Variants in STK3 observed in about 807,000 individuals in gnomAD.
STK3 encodes serine/threonine-protein kinase 3.
Under a neutral mutation model 58.0 loss-of-function variants are expected in STK3, and 41 were observed. The ratio of observed to expected loss-of-function variants is 0.71; its 90% CI spans 0.55 to 0.92. The LOEUF (loss-of-function observed/expected upper bound fraction) is 0.92, where lower values mean the gene tolerates loss of function less well. STK3 is among the 40% of genes least tolerant of loss of function. STK3 has a pLI of 0.00. For synonymous variants in STK3, 170 were observed against 191.0 expected, an observed-to-expected ratio of 0.89 and a Z score of 0.91; for missense variants, 479 against 602.7, an observed-to-expected ratio of 0.79 and a Z score of 2.15.
rs769562533 is a variant in STK3, at chr8:98,428,446, A to G, written n.483+5681T>C. The stretch of plus-strand genomic sequence containing the variant: ...TTCGATGAGATCCTTGCCTTCTACA[A>G]CGACGCCTCCAAGTTCGATGGGCAG... On this transcript the variant is annotated intron_variant and non_coding_transcript_variant, in intron 3 of 3. Coordinates refer to the STK3 transcript ENST00000517832. This position sits in a 1 kb window ranked among gnomAD's most constrained non-coding sequence, Gnocchi z 6.7. The G allele has an allele frequency of 1.9e-6, 3 of 1,614,086 alleles. No individual in the cohort carries two copies. Among genetic ancestry groups the G allele is most frequent in the Non-Finnish European group, 2.5e-6 (3 of 1,180,026 alleles).
intron 6 of STK3, among the ~76,000 whole-genome samples, chr8:98,630,260 A>C (rs1289333720): frequency 6.6e-6 from 1 of 152,210 alleles, no homozygotes; most frequent in Non-Finnish European, 1.5e-5. Context: ...ATATTTGAAT[A>C]ATAATATAAA....
intron 6 of STK3, among the ~76,000 whole-genome samples, chr8:98,601,340 T>C (rs924878029): frequency 2.0e-5 from 3 of 152,182 alleles, no homozygotes; most frequent in African/African-American, 7.2e-5. Flanking sequence ...TTGTAAATCT[T>C]AACCATCTTT....
At chr8:98,550,285 T>A (rs757962328) in intron 8 of STK3, among the ~76,000 whole-genome samples, 11 of 152,242 alleles carry the variant, frequency 7.2e-5, no homozygotes, top group Middle Eastern at 3.4e-3. Context: ...TCTTTCATGA[T>A]CCTTTCTCTT....
chr8:98,814,352 T>A (rs1834414009), intron 1 of STK3, among the ~76,000 whole-genome samples: 1 of 56,354 alleles, frequency 1.8e-5, no homozygotes, highest in East Asian at 1.0e-3. Flanking sequence ...CGCCCAGCAT[T>A]TTTTTTTTTT....
intron 3 of STK3, among the ~76,000 whole-genome samples, chr8:98,865,310 T>C (rs945585476): frequency 2.6e-5 from 4 of 152,206 alleles, no homozygotes; most frequent in Non-Finnish European, 4.4e-5. Context: ...TTTCTTCCCC[T>C]ATACCTCTCA....
chr8:98,869,510 T>C (rs1564072795), intron 3 of STK3, among the ~76,000 whole-genome samples: 1 of 152,088 alleles, frequency 6.6e-6, no homozygotes. Context: ...CAATGATAGG[T>C]GTCCTTATAG....
intron 4 of STK3, among the ~76,000 whole-genome samples, chr8:98,724,311 A>T (rs1359148452): frequency 6.6e-6 from 1 of 152,192 alleles, no homozygotes; most frequent in Non-Finnish European, 1.5e-5. Flanking sequence ...ACCACTCAGG[A>T]AGGGCTTCAC....
chr8:98,690,365 A>G (rs1293504618), intron 6 of STK3, among the ~76,000 whole-genome samples: 1 of 152,058 alleles, frequency 6.6e-6, no homozygotes, highest in Non-Finnish European at 1.5e-5. Context: ...AAGTCAATGT[A>G]CAAAAATCAG....
intron 1 of STK3, among the ~76,000 whole-genome samples, chr8:98,779,541 AT>A (rs1831945352): frequency 1.3e-5 from 2 of 152,350 alleles, no homozygotes; most frequent in Admixed American, 1.3e-4. Flanking sequence ...AAAATATTGT[AT>A]AACATTACCT....
Position 98,428,519 on chromosome 8 carries a change from C to T in STK3, n.483+5608G>A, listed in dbSNP as rs780303196. The T allele has an allele frequency of 9.9e-6, 16 of 1,614,028 alleles. No homozygotes were observed. The highest frequency in any genetic ancestry group is 1.3e-5 in the Non-Finnish European group (15 of 1,180,048). ...AGCTGTGGCTGGCGCTGGACAACCC[C>T]GGCTACTCAGTGCTGAGCAGGGTCT... is the stretch of plus-strand genomic sequence containing the variant. On this transcript the variant is annotated intron_variant and non_coding_transcript_variant, in intron 3 of 3. Coordinates refer to the STK3 transcript ENST00000517832. The surrounding 1 kb of genome is among the most constrained non-coding windows in gnomAD (Gnocchi z 6.7).
Position 98,539,973 on chromosome 8 carries a change from C to T in STK3, c.1141+7996G>A, listed in dbSNP as rs527473662. ...TTCACCGTGTTGGCCAGGCTGGTCT[C>T]GAACTCCTGACCTTAGGTGATCCCC... is the stretch of plus-strand genomic sequence containing the variant. On this transcript the variant is annotated intron_variant, in intron 9 of 10. Transcript: ENST00000419617. Among the ~76,000 whole-genome samples, 3 of 152,232 alleles carry T rather than the reference C, an allele frequency of 2.0e-5. No homozygotes were observed. In the South Asian group the frequency reaches 6.2e-4, roughly 32 times the overall value.
chr8:98,821,908 A>C (rs1834926351), intron 1 of STK3, among the ~76,000 whole-genome samples: 1 of 152,176 alleles, frequency 6.6e-6, no homozygotes, highest in African/African-American at 2.4e-5. Context: ...TGGGCTACAC[A>C]CTGGAATCTC....
At chr8:98,830,140 A>G (rs1378027031), upstream of STK3, among the ~76,000 whole-genome samples, 1 of 152,142 alleles carries the variant, frequency 6.6e-6, no homozygotes, top group African/African-American at 2.4e-5. Context: ...AAGGCAGGAG[A>G]ATGCGTGAAC....
At chr8:98,807,152 CAA>C (rs1039866302) in intron 1 of STK3, among the ~76,000 whole-genome samples, 8 of 55,210 alleles carry the variant, frequency 1.4e-4, no homozygotes, top group Non-Finnish European at 1.2e-4. Context: ...GACTCCGTCT[CAA>C]AAAAAAAAAA....
At chr8:98,742,857 A>G (rs1216223267) in intron 4 of STK3, among the ~76,000 whole-genome samples, 1 of 152,050 alleles carries the variant, frequency 6.6e-6, no homozygotes, top group Non-Finnish European at 1.5e-5. Flanking sequence ...AAATCTCCTT[A>G]AGCTGATAAG....
At chr8:98,856,068 A>G (rs1836660282) in intron 3 of STK3, among the ~76,000 whole-genome samples, 1 of 150,116 alleles carries the variant, frequency 6.7e-6, no homozygotes, top group African/African-American at 2.4e-5. Flanking sequence ...GAGGGAGGAG[A>G]AGTTTGAACC....
At chr8:98,940,906 GAGA>G (rs1377725381) in intron 1 of STK3, among the ~76,000 whole-genome samples, 1 of 152,250 alleles carries the variant, frequency 6.6e-6, no homozygotes, top group Non-Finnish European at 1.5e-5. Flanking sequence ...GGTGGGTGTG[GAGA>G]AGCTTATTGG....
chr8:98,775,545 T>G (rs1831624734), intron 1 of STK3, among the ~76,000 whole-genome samples: 1 of 152,134 alleles, frequency 6.6e-6, no homozygotes, highest in South Asian at 2.1e-4. Context: ...TCTGCTTTGT[T>G]GGATAAAGAC....
intron 10 of STK3, among the ~76,000 whole-genome samples, chr8:98,476,896 C>A (rs1453541861): frequency 1.3e-5 from 2 of 152,180 alleles, no homozygotes; most frequent in African/African-American, 4.8e-5. Context: ...CCCCAAAATA[C>A]ATTACTCTGG....
Sources: gnomAD v4.1 joint callset for allele counts (sites outside exome capture counted in the v4.1 genomes callset) on GRCh38, gnomAD v4.1.1 for gene constraint, Gnocchi (gnomAD v3.1) non-coding constraint, MANE v1.5 for transcripts, NCBI Gene and HGNC (gene_info 2026-07-23, HGNC 2026-07-21) for gene names.